Variants in MACF1 observed in about 807,000 individuals in gnomAD.
MACF1 encodes microtubule actin crosslinking factor 1, also known as microtubule-actin cross-linking factor 1.
In MACF1, 193 loss-of-function variants were observed where a neutral mutation model predicts 854.8. That is an observed-to-expected ratio of 0.23 (90% CI 0.20 to 0.25). MACF1 has a LOEUF of 0.25. Among genes scored for constraint, MACF1 ranks in the 10% least tolerant of loss-of-function variants. The pLI is 1.00. For missense variants in MACF1, 7,722 were observed against 8,929.1 expected (o/e 0.86, Z 5.45); for synonymous variants, 3,185 against 3,226.7 (o/e 0.99, Z 0.44).
chr1:39,269,331 A>G, intron 6 of MACF1: 2 of 1,289,838 alleles, frequency 1.6e-6, no homozygotes, highest in South Asian at 2.5e-5. Context: ...TGATAAAGGA[A>G]ATCAAGAACA....
chr1:39,092,740 C>T (rs567664690), intron 2 of MACF1, among the ~76,000 whole-genome samples: 127 of 152,114 alleles, frequency 8.3e-4, no homozygotes, highest in Non-Finnish European at 1.4e-3. Flanking sequence ...ATTCATACAC[C>T]GCTGTCAGTG....
chr1:39,421,999 C>T (rs12124461), intron 58 of MACF1, among the ~76,000 whole-genome samples: 9,714 of 151,914 alleles, frequency 0.064, 442 homozygotes, highest in Non-Finnish European at 0.091. Flanking sequence ...GGCATGAACC[C>T]GAGAGGCGGA....
At chr1:39,100,007 A>G (rs1181950040) in intron 2 of MACF1, among the ~76,000 whole-genome samples, 1 of 152,062 alleles carries the variant, frequency 6.6e-6, no homozygotes, top group Admixed American at 6.5e-5. Context: ...CTTGAGCCCA[A>G]GAGTTCGAGA....
intron 9 of MACF1, 34 bp from the exon 10 acceptor site, chr1:39,284,032 A>G: frequency 6.2e-7 from 1 of 1,607,904 alleles, no homozygotes; most frequent in Non-Finnish European, 8.5e-7. Context: ...GGATATTGCT[A>G]ATCAGGTGTG....
At chr1:39,106,429 G>A (rs1642240409) in intron 2 of MACF1, among the ~76,000 whole-genome samples, 1 of 152,170 alleles carries the variant, frequency 6.6e-6, no homozygotes, top group Non-Finnish European at 1.5e-5. Flanking sequence ...GGGTGTATGG[G>A]GAGAAAGTTT....
At chr1:39,301,890 G>A (rs1646051832) in intron 22 of MACF1, among the ~76,000 whole-genome samples, 2 of 152,054 alleles carry the variant, frequency 1.3e-5, no homozygotes, top group South Asian at 4.1e-4. Context: ...TTTATTGCCT[G>A]GTAAATTGCA....
intron 95 of MACF1, among the ~76,000 whole-genome samples, chr1:39,466,783 C>T (rs138214085): frequency 4.6e-5 from 7 of 152,216 alleles, no homozygotes; most frequent in African/African-American, 1.4e-4. Flanking sequence ...CTGCTGCTAC[C>T]ACACAGTGCT....
At chr1:39,344,664 G>T (rs182089719) in intron 40 of MACF1, among the ~76,000 whole-genome samples, 12 of 152,282 alleles carry the variant, frequency 7.9e-5, no homozygotes, top group African/African-American at 2.6e-4. Context: ...CATGTGCAGT[G>T]TGTTTACTAA....
At chr1:39,462,819 C>A (rs541472649) in intron 93 of MACF1, among the ~76,000 whole-genome samples, 153 of 152,210 alleles carry the variant, frequency 1.0e-3, no homozygotes, top group African/African-American at 3.5e-3. Context: ...TTGAAACTGC[C>A]AAATTTATTA....
intron 24 of MACF1, 90 bp downstream of exon 24, chr1:39,309,786 A>G: frequency 7.0e-7 from 1 of 1,420,066 alleles, no homozygotes; most frequent in Non-Finnish European, 9.6e-7. Context: ...ACTTTTCCCC[A>G]CCCAAATGGA....
At chr1:39,215,841 G>A (rs1252506137) in intron 1 of MACF1, among the ~76,000 whole-genome samples, 1 of 152,040 alleles carries the variant, frequency 6.6e-6, no homozygotes, top group Non-Finnish European at 1.5e-5. Context: ...CATGGCCTAT[G>A]TTTCCTCTTT....
At chr1:39,326,975 G>A (rs950512781) in intron 35 of MACF1, among the ~76,000 whole-genome samples, 10 of 152,088 alleles carry the variant, frequency 6.6e-5, no homozygotes, top group African/African-American at 1.7e-4. Flanking sequence ...TTTGGGGGTG[G>A]GGCTAAAGTG....
intron 2 of MACF1, among the ~76,000 whole-genome samples, chr1:39,134,887 C>A (rs1361620283): frequency 6.6e-6 from 1 of 152,156 alleles, no homozygotes; most frequent in African/African-American, 2.4e-5. Context: ...TTATCTATCT[C>A]TAGAACTTTT....
chr1:39,340,968 A>G lies in MACF1; in HGVS notation c.10581+15A>G, dbSNP rs762918915. 1.3e-6 allele frequency: 2 copies of G among 1,579,812 alleles called. No homozygotes were observed. The highest frequency in any genetic ancestry group is 1.7e-6 in the Non-Finnish European group (2 of 1,164,282). ...AACAGTATGAGGTAAACTCAAGCAC[A>G]TTTTCTTTGTCCTTTGAGTTGTATC... On this transcript the variant is annotated intron_variant, in intron 40 of 100. Transcript: ENST00000564288.
intron 22 of MACF1, among the ~76,000 whole-genome samples, chr1:39,302,086 C>T (rs998413294): frequency 5.3e-5 from 8 of 152,106 alleles, no homozygotes; most frequent in African/African-American, 1.9e-4. Context: ...GCCTTGACCT[C>T]CCTGGGCTCA....
chr1:39,441,281 G>C lies in MACF1; in HGVS notation c.18628G>C (p.Glu6210Gln), dbSNP rs774465658. The C allele has an allele frequency of 1.2e-5, 19 of 1,614,070 alleles. No individual in the cohort carries two copies. The highest frequency in any genetic ancestry group is 1.5e-5 in the Non-Finnish European group (18 of 1,180,044). Residue 6210 changes from glutamate to glutamine, a missense_variant, in exon 74 of 101, where the codon GAG becomes CAG. Glu to Gln is a conservative substitution (Grantham distance 29). Coordinates refer to ENST00000564288, the MANE Select transcript of MACF1 (RefSeq NM_001394062.1). ...ATGGAAAGAGAGGCTAGAAAAACTT[G>C]AGGATGCTATGCAAGCTGCTGTGCA... Reference protein sequence around the residue: ...KTWKERLEKLEDAMQAAVQYQ... With the variant: ...KTWKERLEKLQDAMQAAVQYQ...
chr1:39,135,725 G>T (rs969904152), intron 2 of MACF1, among the ~76,000 whole-genome samples: 1 of 151,960 alleles, frequency 6.6e-6, no homozygotes, highest in African/African-American at 2.4e-5. Flanking sequence ...CTATACAGAG[G>T]GTCCAGACCT....
rs79230691 is a variant in MACF1, at chr1:39,464,131, A to T, written c.21753+445A>T. The stretch of plus-strand genomic sequence containing the variant: ...TGGGCTACAAATGGGGCCCAGGAGC[A>T]CTGAGGAGACATCAGGCTCAGTGGT... On this transcript the variant is annotated intron_variant, in intron 94 of 100. Coordinates refer to ENST00000564288, the MANE Select transcript of MACF1 (RefSeq NM_001394062.1). 4.6e-3 allele frequency: 767 copies of T among 167,036 alleles called. 43 individuals are homozygous for T. In the East Asian group the frequency reaches 0.11, roughly 23 times the overall value. The allele number at this position is 167,036 out of a possible 1,614,324, so 10.3% of individuals were successfully genotyped here.
intron 99 of MACF1, among the ~76,000 whole-genome samples, chr1:39,482,142 C>G (rs1645022475): frequency 6.6e-6 from 1 of 152,106 alleles, no homozygotes; most frequent in African/African-American, 2.4e-5. Context: ...TGTTTCATTT[C>G]ATTTTGAGGC....
Sources: allele counts gnomAD v4.1 joint callset (sites outside exome capture counted in the v4.1 genomes callset), GRCh38; gene constraint gnomAD v4.1.1; transcripts MANE v1.5; gene names NCBI Gene and HGNC (gene_info 2026-07-23, HGNC 2026-07-21).